Variants in ASIC4 observed in about 807,000 individuals in gnomAD.
ASIC4 encodes acid sensing ion channel subunit family member 4.
ASIC4 carries 28 observed loss-of-function variants against 53.4 expected under a neutral mutation model. The observed-to-expected ratio is 0.52, with a 90% CI of 0.39 to 0.72. ASIC4 has a LOEUF of 0.72. Among genes scored for constraint, ASIC4 ranks in the 30% least tolerant of loss-of-function variants. The pLI is 0.00. For missense variants in ASIC4, 649 were observed against 729.7 expected, an observed-to-expected ratio of 0.89 and a Z score of 1.27; for synonymous variants, 289 against 301.4, an observed-to-expected ratio of 0.96 and a Z score of 0.43.
upstream of ASIC4, among the ~76,000 whole-genome samples, chr2:219,513,050 G>A (rs1694721663): frequency 6.6e-6 from 1 of 152,234 alleles, no homozygotes; most frequent in East Asian, 1.9e-4. Flanking sequence ...AGGGGGCGGG[G>A]TGGCCGTTGG....
At chr2:219,512,366 T>G (rs542724951), upstream of ASIC4, among the ~76,000 whole-genome samples, 1 of 152,284 alleles carries the variant, frequency 6.6e-6, no homozygotes, top group East Asian at 1.9e-4. Context: ...ATGTATGCAC[T>G]CCAGGGTAGC....
chr2:219,532,803 CATGT>C (rs1294494046), intron 4 of ASIC4, 76 bp from the exon 5 acceptor site: 2 of 1,302,396 alleles, frequency 1.5e-6, no homozygotes, highest in Non-Finnish European at 1.1e-6. Context: ...TGTGTGCATG[CATGT>C]ATGTGCTTAC....
intron 1 of ASIC4, among the ~76,000 whole-genome samples, chr2:219,523,055 C>G (rs1284233698): frequency 6.6e-6 from 1 of 152,016 alleles, no homozygotes; most frequent in Non-Finnish European, 1.5e-5. Flanking sequence ...GGGATCCTGG[C>G]AGGCGCACAC....
chr2:219,509,278 G>A (rs967560983), upstream of ASIC4, among the ~76,000 whole-genome samples: 3 of 152,002 alleles, frequency 2.0e-5, no homozygotes, highest in Admixed American at 6.5e-5. The surrounding 1 kb of genome is among the most constrained non-coding windows in gnomAD (Gnocchi z 5.2). Flanking sequence ...TGCTGCATCC[G>A]CACGGAGCAC....
In ASIC4 at chr2:219,537,271, A is replaced by T. The variant is rs756981458; in HGVS notation, c.1351A>T (p.Ile451Phe). ...CCTCGGGGGACAGATGGGCCTGTTC[A>T]TTGGGGCCAGCATCCTCACGTTGCT... ...GDLGGQMGLFIGASILTLLEI... is the reference protein window; with the variant it reads ...GDLGGQMGLFFGASILTLLEI... Residue 451 changes from isoleucine (I) to phenylalanine (F), a missense_variant, in exon 8 of 10, where the codon ATT becomes TTT. Ile to Phe is a conservative substitution (Grantham distance 21). Coordinates refer to ENST00000358078, the MANE Select transcript of ASIC4 (RefSeq NM_018674.6). The surrounding 1 kb of genome is among the most constrained non-coding windows in gnomAD (Gnocchi z 4.9). The T allele has an allele frequency of 9.3e-6, 15 of 1,613,614 alleles. No homozygotes were observed. In the South Asian group the frequency reaches 1.6e-4, roughly 18 times the overall value.
chr2:219,534,035 A>AAG, intron 5 of ASIC4: 1 of 135,830 alleles, frequency 7.4e-6, no homozygotes, highest in Admixed American at 7.0e-5. Flanking sequence ...CTGTCTCAAA[A>AAG]AAAAAAAAAA....
At chr2:219,527,507 G>A (rs1355672737) in intron 1 of ASIC4, among the ~76,000 whole-genome samples, 1 of 152,170 alleles carries the variant, frequency 6.6e-6, no homozygotes, top group Non-Finnish European at 1.5e-5. Flanking sequence ...GAGGTACCAG[G>A]TAGGGACGCT....
chr2:219,532,512 AC>A (rs1226857343), intron 4 of ASIC4, 35 bp downstream of exon 4: 3 of 1,595,116 alleles, frequency 1.9e-6, no homozygotes, highest in East Asian at 4.5e-5. Context: ...CCTCCATGCC[AC>A]CCTGCTAGGC....
chr2:219,522,865 G>A (rs995652463), intron 1 of ASIC4, among the ~76,000 whole-genome samples: 2 of 152,164 alleles, frequency 1.3e-5, no homozygotes, highest in African/African-American at 4.8e-5. Context: ...ACCCAGGGAG[G>A]AGAGCGGAGG....
chr2:219,513,981 C>T (rs1215851604), upstream of ASIC4, among the ~76,000 whole-genome samples: 2 of 152,208 alleles, frequency 1.3e-5, no homozygotes, highest in Non-Finnish European at 2.9e-5. Context: ...CTGGAAGCTG[C>T]TGTGAGTCGG....
chr2:219,537,480 C>CAGGAGAAGGGGATGGGTGAGG lies in ASIC4; in HGVS notation c.1402-146_1402-126dup. 1 of 1,073,690 alleles carries CAGGAGAAGGGGATGGGTGAGG rather than the reference C, an allele frequency of 9.3e-7. No individual in the cohort carries two copies. Among genetic ancestry groups the CAGGAGAAGGGGATGGGTGAGG allele is most frequent in the South Asian group, 1.5e-5 (1 of 66,776 alleles). The allele number at this position is 1,073,690 out of a possible 1,614,324, so 66.5% of individuals were successfully genotyped here. A position where few individuals can be genotyped will look rare whatever the true frequency, so the allele number is the denominator to read the frequency against. On this transcript the variant is annotated intron_variant, in intron 8 of 9. Coordinates refer to ENST00000358078, the MANE Select transcript of ASIC4 (RefSeq NM_018674.6). This position sits in a 1 kb window ranked among gnomAD's most constrained non-coding sequence, Gnocchi z 4.9. ...GCTGGCAGGCCTGAGGGCTCAGAGT[C>CAGGAGAAGGGGATGGGTGAGG]AGGAGAAGGGGATGGGTGAGGAGGA... is the stretch of plus-strand genomic sequence containing the variant.
chr2:219,514,354 G>C (rs1415615673), upstream of ASIC4: 11 of 1,546,956 alleles, frequency 7.1e-6, no homozygotes, highest in Non-Finnish European at 9.6e-6. Context: ...ATGCTGAGCG[G>C]AGCGGCTGGG....
chr2:219,537,452 C>T lies in ASIC4; in HGVS notation c.1401+131C>T, dbSNP rs753443427. 2.1e-4 allele frequency: 257 copies of T among 1,209,330 alleles called. 1 individual carries two copies. Among genetic ancestry groups the T allele is most frequent in the Non-Finnish European group, 2.6e-4 (222 of 851,220 alleles). The allele number at this position is 1,209,330 out of a possible 1,614,324, so 74.9% of individuals were successfully genotyped here. On this transcript the variant is annotated intron_variant, in intron 8 of 9. Coordinates refer to ENST00000358078, the MANE Select transcript of ASIC4 (RefSeq NM_018674.6). The surrounding 1 kb of genome is among the most constrained non-coding windows in gnomAD (Gnocchi z 4.9). ...AGGGTTCTCTGCCAGGGTCCCCTGA[C>T]TGGCTGGCAGGCCTGAGGGCTCAGA...
At position 219,532,678 on chromosome 2, in the gene ASIC4, G is replaced by C; in HGVS notation, c.1018+201G>C. ...TGGGAATGCCGGCATGCAGATGCCT[G>C]TGTGCATGTTAATATGTATTTGTGT... On this transcript the variant is annotated intron_variant, in intron 4 of 9. Transcript: ENST00000358078. 3 of 835,342 alleles carry C rather than the reference G, an allele frequency of 3.6e-6. No individual in the cohort carries two copies. The South Asian group carries it at 5.3e-5, about 15-fold the overall frequency. The allele number at this position is 835,342 out of a possible 1,614,324, so 51.7% of individuals were successfully genotyped here.
In ASIC4 at chr2:219,537,663, G is replaced by A. The variant is rs752702290; in HGVS notation, c.1433G>A (p.Arg478Lys). ...TGGGATCGACTGAAGCGGGTATGGA[G>A]GCGTCCCAAGACCCCCCTGCGGACC... is the stretch of plus-strand genomic sequence containing the variant. Reference protein sequence around the residue: ...VSWDRLKRVWRRPKTPLRTST... With the variant: ...VSWDRLKRVWKRPKTPLRTST... The change falls in exon 9 of 10, where the codon AGG becomes AAG. Residue 478 changes from arginine to lysine, a missense_variant. Physicochemically the swap from Arg to Lys is conservative, Grantham distance 26. Transcript: ENST00000358078. This position sits in a 1 kb window ranked among gnomAD's most constrained non-coding sequence, Gnocchi z 4.9. 3.1e-6 allele frequency: 5 copies of A among 1,613,882 alleles called. No homozygotes were observed. Among genetic ancestry groups the A allele is most frequent in the African/African-American group, 2.7e-5 (2 of 74,938 alleles).
chr2:219,520,178 T>G (rs1694863350), intron 1 of ASIC4, among the ~76,000 whole-genome samples: 1 of 151,740 alleles, frequency 6.6e-6, no homozygotes, highest in Non-Finnish European at 1.5e-5. Flanking sequence ...CCGACCCTCC[T>G]TCTCCACATG....
chr2:219,515,937 G>A (rs1017146356), intron 1 of ASIC4, among the ~76,000 whole-genome samples: 1 of 152,100 alleles, frequency 6.6e-6, no homozygotes, highest in Non-Finnish European at 1.5e-5. Context: ...GCCCTCCTGG[G>A]GTCCAGTCCC....
chr2:219,527,980 C>T (rs114670839), intron 1 of ASIC4, among the ~76,000 whole-genome samples: 2,661 of 152,348 alleles, frequency 0.017, 79 homozygotes, highest in African/African-American at 0.06. Flanking sequence ...GTCAGGGCTC[C>T]GCCGAGGTGG....
chr2:219,516,810 G>C lies in ASIC4; in HGVS notation c.582+1504G>C, dbSNP rs946532545. On this transcript the variant is annotated intron_variant, in intron 1 of 9. Transcript: ENST00000358078. This position sits in a 1 kb window ranked among gnomAD's most constrained non-coding sequence, Gnocchi z 4.9. The stretch of plus-strand genomic sequence containing the variant: ...TGGGCAGGGGAGTTAGGTAGAAATA[G>C]AGGGACAGGAGCAGGAGCATTGTGC... 23 of 152,376 alleles carry C rather than the reference G, an allele frequency of 1.5e-4. No individual in the cohort carries two copies. Among genetic ancestry groups the C allele is most frequent in the African/African-American group, 5.3e-4 (22 of 41,468 alleles). 9.4% of individuals were successfully genotyped at this position (152,376 alleles called of 1,614,324 possible).
Sources: gnomAD v4.1 joint callset for allele counts (sites outside exome capture counted in the v4.1 genomes callset) on GRCh38, gnomAD v4.1.1 for gene constraint, Gnocchi (gnomAD v3.1) non-coding constraint, MANE v1.5 for transcripts, NCBI Gene and HGNC (gene_info 2026-07-23, HGNC 2026-07-21) for gene names.